UTRN: variants seen among roughly 807,000 people sequenced by gnomAD.
UTRN encodes the protein utrophin, also known as dystrophin-related protein 1.
UTRN carries 283 observed loss-of-function variants against 463.9 expected under a neutral mutation model. The observed-to-expected ratio is 0.61, with a 90% CI of 0.55 to 0.67. The LOEUF is 0.67. Ranked by LOEUF, UTRN falls within the 30% of genes least tolerant of loss-of-function variation. The pLI is 0.00. For synonymous variants in UTRN, 1,442 were observed against 1,431.5 expected (o/e 1.01, Z -0.17); for missense variants, 3,922 against 4,084.3 (o/e 0.96, Z 1.08).
intron 9 of UTRN, among the ~76,000 whole-genome samples, chr6:144,432,574 G>A (rs1785970506): frequency 6.6e-6 from 1 of 152,196 alleles, no homozygotes; most frequent in Non-Finnish European, 1.5e-5. Context: ...TGTTGGGTGG[G>A]GGAAAACAGG....
intron 53 of UTRN, among the ~76,000 whole-genome samples, chr6:144,729,493 G>A (rs1788288834): frequency 6.6e-6 from 1 of 152,154 alleles, no homozygotes; most frequent in Non-Finnish European, 1.5e-5. Context: ...TAGGTTGCCA[G>A]GGAACTACAC....
intron 51 of UTRN, among the ~76,000 whole-genome samples, chr6:144,581,583 G>C (rs6917519): frequency 0.21 from 31,546 of 152,108 alleles, 3,449 homozygotes; most frequent in South Asian, 0.31. Flanking sequence ...GTGCCCAGCT[G>C]CATGCTTAGC....
chr6:144,390,103 A>C (rs1391903673), intron 2 of UTRN, among the ~76,000 whole-genome samples: 2 of 152,228 alleles, frequency 1.3e-5, no homozygotes, highest in Non-Finnish European at 2.9e-5. Context: ...TTCTCATCAC[A>C]AATAAATGGT....
rs1002877321 is a variant in UTRN, at chr6:144,537,708, A to T, written c.6360A>T (p.Gln2120His). The T allele has an allele frequency of 6.2e-7, 1 of 1,609,958 alleles. No homozygotes were observed. Among genetic ancestry groups the T allele is most frequent in the Non-Finnish European group, 8.5e-7 (1 of 1,178,372 alleles). ...CCACCGAATTGGGAGAAAACCTGCA[A>T]GAATTAAGAGTAAGTTGTTTATTTC... ...RSTTELGENL[Q>H]ELRDLTQEME... The change falls in exon 44 of 75, where the codon CAA (glutamine) becomes CAT (histidine). Residue 2120 changes from glutamine to histidine, a missense_variant. Gln to His is a conservative substitution (Grantham distance 24, BLOSUM62 0). Around this residue, in one of 3 missense-constraint regions of UTRN, gnomAD observed 2,349 missense variants for 2,303.8 expected, o/e 1.02. Coordinates refer to ENST00000367545, the MANE Select transcript of UTRN (RefSeq NM_007124.3).
At chr6:144,371,109 G>T (rs1406113164) in intron 2 of UTRN, among the ~76,000 whole-genome samples, 1 of 152,172 alleles carries the variant, frequency 6.6e-6, no homozygotes, top group Non-Finnish European at 1.5e-5. Flanking sequence ...CACTGTGCCA[G>T]AATAGAGTCA....
intron 69 of UTRN, 105 bp downstream of exon 69, chr6:144,828,960 A>C: frequency 7.4e-7 from 1 of 1,347,298 alleles, no homozygotes; most frequent in Non-Finnish European, 1.0e-6. Flanking sequence ...ATCCCAATCA[A>C]AATTATTAAG....
chr6:144,768,948 G>GTT (rs35525101), intron 58 of UTRN, among the ~76,000 whole-genome samples: 23,074 of 125,698 alleles, frequency 0.18, 2,862 homozygotes, highest in East Asian at 0.52. Context: ...TTTGTTTTTT[G>GTT]TTTTGTTTTG....
At chr6:144,607,908 C>A (rs1302039522) in intron 51 of UTRN, among the ~76,000 whole-genome samples, 1 of 152,116 alleles carries the variant, frequency 6.6e-6, no homozygotes, top group Non-Finnish European at 1.5e-5. Flanking sequence ...CATTGAAATC[C>A]TCTTGCTCTG....
intron 37 of UTRN, among the ~76,000 whole-genome samples, chr6:144,515,993 A>G (rs779458305): frequency 2.6e-5 from 4 of 152,342 alleles, no homozygotes; most frequent in Admixed American, 6.5e-5. Flanking sequence ...GGCAGCCACA[A>G]TGAATTGCAA....
intron 55 of UTRN, 78 bp downstream of exon 55, chr6:144,748,592 T>C (rs1791016626): frequency 2.6e-6 from 4 of 1,513,964 alleles, no homozygotes; most frequent in Admixed American, 4.3e-5. Flanking sequence ...GAGCCACGTA[T>C]ATAAATTGTT....
chr6:144,850,501 A>G (rs1342484022), intron 74 of UTRN, among the ~76,000 whole-genome samples: 1 of 152,064 alleles, frequency 6.6e-6, no homozygotes, highest in African/African-American at 2.4e-5. Flanking sequence ...CTGGATTTAT[A>G]TTGTCTCTGA....
At chr6:144,536,394 A>G (rs890867365) in intron 43 of UTRN, among the ~76,000 whole-genome samples, 10 of 152,134 alleles carry the variant, frequency 6.6e-5, no homozygotes, top group African/African-American at 2.4e-4. Flanking sequence ...ACTTTTCACT[A>G]TGGAGGGTAG....
intron 52 of UTRN, among the ~76,000 whole-genome samples, chr6:144,682,498 C>T (rs536450762): frequency 1.1e-4 from 17 of 152,118 alleles, no homozygotes; most frequent in Non-Finnish European, 5.9e-5. Flanking sequence ...GGTATATAGC[C>T]AGCAGTGGGA....
chr6:144,459,800 C>T (rs770685752), intron 21 of UTRN, among the ~76,000 whole-genome samples: 6 of 151,860 alleles, frequency 4.0e-5, no homozygotes, highest in Non-Finnish European at 5.9e-5. Context: ...ATGTTGCCCA[C>T]GCTGGTCTAG....
rs540184553 is a variant in UTRN, at chr6:144,542,540, G to T, written c.6520-255G>T. Among the ~76,000 whole-genome samples, 5 of 152,276 alleles carry T rather than the reference G, an allele frequency of 3.3e-5. No homozygotes were observed. The East Asian group carries it at 7.7e-4, about 23-fold the overall frequency. ...CAGAGTAATAACAGAATTCAAGGGA[G>T]GGGGAGTGGACGGCATTAACTGGTG... On this transcript the variant is annotated intron_variant, in intron 45 of 74. Transcript: ENST00000367545.
intron 42 of UTRN, among the ~76,000 whole-genome samples, chr6:144,531,981 CA>C (rs1158940530): frequency 6.6e-6 from 1 of 151,802 alleles, no homozygotes; most frequent in African/African-American, 2.4e-5. Flanking sequence ...ACTAAAAATA[CA>C]AAAAATTAGC....
rs144543613 is a variant in UTRN at position 144,717,880 on chromosome 6, C to A, written c.7810-12477C>A. Among the ~76,000 whole-genome samples the A allele has an allele frequency of 9.2e-4, 140 of 152,096 alleles. 1 individual carries two copies. In the East Asian group the frequency reaches 0.022, roughly 23 times the overall value. ...TCGAACTCCTGACCTCATGATCCACCCGCCTCAGCCTCCCAAAGTGCTGGT... is the reference window on the plus strand; with the variant it reads ...TCGAACTCCTGACCTCATGATCCACACGCCTCAGCCTCCCAAAGTGCTGGT... On this transcript the variant is annotated intron_variant, in intron 53 of 74. Transcript: ENST00000367545.
intron 2 of UTRN, among the ~76,000 whole-genome samples, chr6:144,356,817 T>G (rs1390411761): frequency 3.3e-5 from 5 of 152,020 alleles, no homozygotes; most frequent in African/African-American, 1.2e-4. Flanking sequence ...AGAGCAAGAC[T>G]CCGTCTAAAA....
At chr6:144,844,534 G>T (rs775148328) in intron 73 of UTRN, among the ~76,000 whole-genome samples, 3 of 152,022 alleles carry the variant, frequency 2.0e-5, no homozygotes, top group African/African-American at 4.8e-5. Flanking sequence ...CTCCCAAACC[G>T]CTGGGATTAC....
Sources: gnomAD v4.1 joint callset for allele counts (sites outside exome capture counted in the v4.1 genomes callset) on GRCh38, gnomAD v4.1.1 for gene constraint, gnomAD v4.1.1 regional missense constraint, MANE v1.5 for transcripts, NCBI Gene and HGNC (gene_info 2026-07-23, HGNC 2026-07-21) for gene names.